Variants in MAN1C1 observed in about 807,000 individuals in gnomAD.
MAN1C1 encodes mannosidase alpha class 1C member 1.
MAN1C1 carries 49 observed loss-of-function variants against 71.5 expected under a neutral mutation model. The observed-to-expected ratio is 0.69, with a 90% CI of 0.54 to 0.87. MAN1C1 has a LOEUF of 0.87. MAN1C1 is among the 40% of genes least tolerant of loss of function. MAN1C1 has a pLI of 0.00. For missense variants in MAN1C1, 743 were observed against 835.0 expected (o/e 0.89, Z 1.36); for synonymous variants, 352 against 343.7 (o/e 1.02, Z -0.27).
At chr1:25,737,641 G>T (rs1362097748) in intron 2 of MAN1C1, among the ~76,000 whole-genome samples, 1 of 152,184 alleles carries the variant, frequency 6.6e-6, no homozygotes, top group African/African-American at 2.4e-5. Flanking sequence ...GGGATTCACA[G>T]GCACCTATGC....
chr1:25,774,374 G>A (rs1249679005), intron 8 of MAN1C1, among the ~76,000 whole-genome samples: 1 of 152,160 alleles, frequency 6.6e-6, no homozygotes, highest in Non-Finnish European at 1.5e-5. Context: ...TACAGATGAC[G>A]AAACTGAGGG....
chr1:25,709,750 ATTTT>A, intron 2 of MAN1C1: 1 of 151,688 alleles, frequency 6.6e-6, no homozygotes, highest in Non-Finnish European at 1.5e-5. Flanking sequence ...ATATTTATTT[ATTTT>A]ATTTTTTTGA....
chr1:25,762,278 C>G (rs1051733939), intron 6 of MAN1C1, among the ~76,000 whole-genome samples: 7 of 151,842 alleles, frequency 4.6e-5, no homozygotes, highest in African/African-American at 1.7e-4. Flanking sequence ...GAGAATGTGC[C>G]ATCACACCCA....
At chr1:25,774,498 G>T (rs1173681340) in intron 8 of MAN1C1, among the ~76,000 whole-genome samples, 2 of 152,142 alleles carry the variant, frequency 1.3e-5, no homozygotes, top group Non-Finnish European at 2.9e-5. Flanking sequence ...AATCACAGAG[G>T]GGCCTGGCTT....
intron 1 of MAN1C1, among the ~76,000 whole-genome samples, chr1:25,649,355 C>T (rs183606620): frequency 5.5e-4 from 83 of 152,288 alleles, no homozygotes; most frequent in African/African-American, 1.3e-3. Flanking sequence ...TTTTGAGTGT[C>T]GGAAATCCCA....
rs1397800088 is a variant in MAN1C1, at chr1:25,617,653, C to T, written c.-145C>T. On this transcript the variant is annotated 5_prime_UTR_variant, in exon 1 of 12. Coordinates refer to ENST00000374332, the MANE Select transcript of MAN1C1 (RefSeq NM_020379.4). This position sits in a 1 kb window ranked among gnomAD's most constrained non-coding sequence, Gnocchi z 5.1. ...AACTCCCTGAACTTCGGGGACAGTC[C>T]CCCGAAGCGGCGAAACTCTCAGGGT... 1 of 634,004 alleles carries T rather than the reference C, an allele frequency of 1.6e-6. No individual in the cohort carries two copies. 39.3% of individuals were successfully genotyped at this position (634,004 alleles called of 1,614,324 possible). A position where few individuals can be genotyped will look rare whatever the true frequency, so the allele number is the denominator to read the frequency against.
At chr1:25,733,584 C>T (rs908648209) in intron 2 of MAN1C1, among the ~76,000 whole-genome samples, 8 of 152,122 alleles carry the variant, frequency 5.3e-5, no homozygotes, top group African/African-American at 1.9e-4. Flanking sequence ...TGTTTTTCTG[C>T]ATCACACACG....
chr1:25,670,559 T>C (rs1395318342), intron 1 of MAN1C1, among the ~76,000 whole-genome samples: 1 of 152,236 alleles, frequency 6.6e-6, no homozygotes, highest in African/African-American at 2.4e-5. Context: ...ATGGGCCACT[T>C]GAGCCAGGCA....
chr1:25,667,944 G>A (rs936604207), intron 1 of MAN1C1, among the ~76,000 whole-genome samples: 1 of 152,124 alleles, frequency 6.6e-6, no homozygotes, highest in African/African-American at 2.4e-5. Context: ...TTGGCTTCAT[G>A]GGAAGAATGA....
At chr1:25,747,744 G>A (rs1358453809) in intron 3 of MAN1C1, among the ~76,000 whole-genome samples, 7 of 152,134 alleles carry the variant, frequency 4.6e-5, no homozygotes, top group South Asian at 4.1e-4. Context: ...GCTGCCCTGC[G>A]TCTCTTGGAA....
At chr1:25,704,840 T>C (rs1189040883) in intron 2 of MAN1C1, among the ~76,000 whole-genome samples, 1 of 152,266 alleles carries the variant, frequency 6.6e-6, no homozygotes, top group Non-Finnish European at 1.5e-5. Flanking sequence ...CTATCTGGTT[T>C]GTTGCTGATT....
chr1:25,698,188 C>A (rs1011120484), intron 2 of MAN1C1, among the ~76,000 whole-genome samples: 1 of 152,206 alleles, frequency 6.6e-6, no homozygotes, highest in Non-Finnish European at 1.5e-5. Context: ...CATTCCACTG[C>A]AGCTCTGGTG....
chr1:25,625,510 G>A (rs1572102048), intron 1 of MAN1C1, among the ~76,000 whole-genome samples: 1 of 152,086 alleles, frequency 6.6e-6, no homozygotes, highest in Non-Finnish European at 1.5e-5. Flanking sequence ...GCCTGTTCTA[G>A]AACTTCAGAA....
At chr1:25,641,728 C>T (rs913022603) in intron 1 of MAN1C1, among the ~76,000 whole-genome samples, 3 of 152,124 alleles carry the variant, frequency 2.0e-5, no homozygotes, top group African/African-American at 7.2e-5. Context: ...TTCCCTTTGA[C>T]CCACTTATGG....
chr1:25,758,718 C>G lies in MAN1C1; in HGVS notation c.1047+9C>G. The stretch of plus-strand genomic sequence containing the variant: ...AGGTCTTCGCTGAAAAGGCAAGTCT[C>G]CTCCCCACCCTTCTTCCTGCGGAGC... On this transcript the variant is annotated intron_variant, in intron 6 of 11. Transcript: ENST00000374332. 6.2e-7 allele frequency: 1 copy of G among 1,605,712 alleles called. No individual in the cohort carries two copies. Among genetic ancestry groups the G allele is most frequent in the East Asian group, 2.2e-5 (1 of 44,832 alleles).
At chr1:25,709,169 A>G (rs920865126) in intron 2 of MAN1C1, among the ~76,000 whole-genome samples, 2 of 152,138 alleles carry the variant, frequency 1.3e-5, no homozygotes, top group African/African-American at 2.4e-5. Context: ...TGAGAAGTGA[A>G]AGGCGGTATA....
chr1:25,660,739 G>A (rs541924314), intron 1 of MAN1C1, among the ~76,000 whole-genome samples: 73 of 151,870 alleles, frequency 4.8e-4, no homozygotes, highest in South Asian at 3.3e-3. Context: ...CACCCAGGCT[G>A]GAGTGCTGTG....
At chr1:25,642,441 T>G (rs2045551129) in intron 1 of MAN1C1, among the ~76,000 whole-genome samples, 1 of 152,244 alleles carries the variant, frequency 6.6e-6, no homozygotes, top group East Asian at 1.9e-4. Context: ...TGAGAATTGC[T>G]GACCTGGGTT....
At chr1:25,698,656 A>G (rs977225572) in intron 2 of MAN1C1, among the ~76,000 whole-genome samples, 5 of 152,184 alleles carry the variant, frequency 3.3e-5, no homozygotes, top group East Asian at 3.8e-4. Flanking sequence ...GTGAGCTTCA[A>G]AAAAGCTTAC....
Sources: gnomAD v4.1 joint callset for allele counts (sites outside exome capture counted in the v4.1 genomes callset) on GRCh38, gnomAD v4.1.1 for gene constraint, Gnocchi (gnomAD v3.1) non-coding constraint, MANE v1.5 for transcripts, NCBI Gene and HGNC (gene_info 2026-07-23, HGNC 2026-07-21) for gene names.